GPATCH2: variants seen among roughly 807,000 people sequenced by gnomAD.
GPATCH2 encodes the protein G patch domain-containing protein 2.
A neutral mutation model predicts 58.0 loss-of-function variants in GPATCH2; 51 were observed. The ratio of observed to expected loss-of-function variants is 0.88; its 90% CI spans 0.70 to 1.11. GPATCH2 has a LOEUF of 1.11. Among genes scored for constraint, GPATCH2 ranks in the 50% most tolerant of loss-of-function variants. GPATCH2 has a pLI of 0.00. For missense variants in GPATCH2, 625 were observed against 652.2 expected, an observed-to-expected ratio of 0.96 and a Z score of 0.45; for synonymous variants, 222 against 218.5, an observed-to-expected ratio of 1.02 and a Z score of -0.14.
rs572749303 is a variant in GPATCH2 at position 217,573,764 on chromosome 1, T to C, written c.1098+36557A>G. On this transcript the variant is annotated intron_variant, in intron 5 of 9. Transcript: ENST00000366935. Reference sequence around the variant, plus strand: ...GTTTTGAACACTGGTTAATTCTAGCTGGAGCACAAATCTATCTTTTCTTTT... The same window carrying C: ...GTTTTGAACACTGGTTAATTCTAGCCGGAGCACAAATCTATCTTTTCTTTT... Among the ~76,000 whole-genome samples the C allele has an allele frequency of 1.3e-3, 198 of 152,368 alleles. 1 individual carries two copies. The highest frequency in any genetic ancestry group is 3.4e-3 in the Middle Eastern group (1 of 294).
In GPATCH2 at chr1:217,428,502, A is replaced by G. The variant is rs915636742; in HGVS notation, c.*2643T>C. On this transcript the variant is annotated 3_prime_UTR_variant, in exon 10 of 10. Transcript: ENST00000366935. ...TTAATTGCGTTTGTTTCTCCAATTAAGTTCAGGTACAACCAGAACATCAGG... is the reference window on the plus strand; with the variant it reads ...TTAATTGCGTTTGTTTCTCCAATTAGGTTCAGGTACAACCAGAACATCAGG... The G allele has an allele frequency of 6.6e-6, 1 of 152,190 alleles. No individual in the cohort carries two copies. The highest frequency in any genetic ancestry group is 1.5e-5 in the Non-Finnish European group (1 of 68,036). The allele number at this position is 152,190 out of a possible 1,614,324, so 9.4% of individuals were successfully genotyped here.
At chr1:217,599,063 C>T (rs768807124) in intron 5 of GPATCH2, among the ~76,000 whole-genome samples, 4 of 152,054 alleles carry the variant, frequency 2.6e-5, no homozygotes, top group Non-Finnish European at 5.9e-5. Flanking sequence ...GTGAGGGATA[C>T]ACTGTTGTGA....
rs543131039 is a variant in GPATCH2 at position 217,575,366 on chromosome 1, A to C, written c.1098+34955T>G. Among the ~76,000 whole-genome samples the C allele has an allele frequency of 6.6e-5, 10 of 152,298 alleles. No individual in the cohort carries two copies. The South Asian group carries it at 1.9e-3, about 28-fold the overall frequency. ...CTTAAGATTAGCACACTCAACCATT[A>C]CCTTAAAAAGCAAACCAATCATCTA... On this transcript the variant is annotated intron_variant, in intron 5 of 9. Transcript: ENST00000366935.
chr1:217,627,410 T>C (rs994138785), intron 1 of GPATCH2, among the ~76,000 whole-genome samples: 1 of 152,070 alleles, frequency 6.6e-6, no homozygotes, highest in Non-Finnish European at 1.5e-5. Flanking sequence ...ACAATTTCAG[T>C]AAGTTCATGG....
rs12031241 is a variant in GPATCH2, at chr1:217,585,375, C to T, written c.1098+24946G>A. On this transcript the variant is annotated intron_variant, in intron 5 of 9. Coordinates refer to ENST00000366935, the MANE Select transcript of GPATCH2 (RefSeq NM_018040.5). ...CGGTGGCTCACGCCTATAATCCCAG[C>T]GCTTTGGGAGGCCGAGGCAGGCAAA... 8.5e-3 allele frequency among the ~76,000 whole-genome samples: 1,298 copies of T among 152,192 alleles called. 38 individuals are homozygous for T. The East Asian group carries it at 0.1, about 12-fold the overall frequency.
rs557845102 is a variant in GPATCH2, at chr1:217,613,998, C to T, written c.835+143G>A. The T allele has an allele frequency of 1.8e-4, 103 of 560,576 alleles. No homozygotes were observed. In the African/African-American group the frequency reaches 1.8e-3, roughly 10 times the overall value. The allele number at this position is 560,576 out of a possible 1,614,324, so 34.7% of individuals were successfully genotyped here. On this transcript the variant is annotated intron_variant, in intron 3 of 9. Transcript: ENST00000366935. ...CCCTCCATAGCATATAAAAAACCAG[C>T]TACGATACTAAATCCTAGTTCACTA...
chr1:217,464,090 C>A (rs1660329659), intron 8 of GPATCH2, among the ~76,000 whole-genome samples: 1 of 152,082 alleles, frequency 6.6e-6, no homozygotes, highest in African/African-American at 2.4e-5. Context: ...TTTATTTACT[C>A]ACTTAAAAAT....
intron 9 of GPATCH2, among the ~76,000 whole-genome samples, chr1:217,447,672 G>A (rs987720873): frequency 3.3e-5 from 5 of 152,208 alleles, no homozygotes; most frequent in Admixed American, 2.0e-4. Context: ...GCCAGAAGAT[G>A]ATCAGGTATG....
chr1:217,566,193 T>C (rs1440349061), intron 5 of GPATCH2, among the ~76,000 whole-genome samples: 1 of 151,312 alleles, frequency 6.6e-6, no homozygotes, highest in Non-Finnish European at 1.5e-5. Flanking sequence ...ATTCTGTAAG[T>C]GCAACTTTCT....
intron 3 of GPATCH2, among the ~76,000 whole-genome samples, chr1:217,613,509 G>A (rs1037291409): frequency 6.6e-6 from 1 of 152,046 alleles, no homozygotes; most frequent in Non-Finnish European, 1.5e-5. Context: ...TCATGAGCAG[G>A]TGTGACTAAA....
chr1:217,578,142 G>A (rs11117885), intron 5 of GPATCH2, among the ~76,000 whole-genome samples: 9,361 of 148,544 alleles, frequency 0.063, 676 homozygotes, highest in African/African-American at 0.18. Flanking sequence ...TGGCTGGGGG[G>A]GGATTACCAG....
At chr1:217,551,117 A>G (rs1665337826) in intron 5 of GPATCH2, among the ~76,000 whole-genome samples, 1 of 151,716 alleles carries the variant, frequency 6.6e-6, no homozygotes, top group Non-Finnish European at 1.5e-5. Flanking sequence ...TTCTTCAGAA[A>G]TCATGAAAAA....
chr1:217,560,190 T>G (rs1665854354), intron 5 of GPATCH2, among the ~76,000 whole-genome samples: 1 of 152,182 alleles, frequency 6.6e-6, no homozygotes, highest in South Asian at 2.1e-4. Flanking sequence ...TGGTTACTCG[T>G]GTTTGTTTTG....
chr1:217,580,005 C>T (rs531717508), intron 5 of GPATCH2, among the ~76,000 whole-genome samples: 2 of 152,118 alleles, frequency 1.3e-5, no homozygotes, highest in African/African-American at 4.8e-5. Context: ...TGCATTTACT[C>T]CAAGAAAAGT....
rs1183174400 is a variant in GPATCH2 at position 217,433,361 on chromosome 1, CATAT to C, written c.1367-2000_1367-1997del. 4.0e-3 allele frequency among the ~76,000 whole-genome samples: 469 copies of C among 118,570 alleles called. 2 individuals are homozygous for C. The highest frequency in any genetic ancestry group is 0.01 in the East Asian group (47 of 4,534). The allele number at this position is 118,570 out of a possible 152,430, so 77.8% of individuals were successfully genotyped here. On this transcript the variant is annotated intron_variant, in intron 9 of 9. Coordinates refer to ENST00000366935, the MANE Select transcript of GPATCH2 (RefSeq NM_018040.5). ...ATTTATTATTGTTCTTTAAGCTGTTCATATATATATATATATATATATATTTATT... is the reference window on the plus strand; with the variant it reads ...ATTTATTATTGTTCTTTAAGCTGTTCATATATATATATATATATATTTATT...
intron 6 of GPATCH2, among the ~76,000 whole-genome samples, chr1:217,504,180 CAA>C (rs1310712513): frequency 6.6e-6 from 1 of 151,866 alleles, no homozygotes; most frequent in Non-Finnish European, 1.5e-5. Context: ...CCTCAAACAA[CAA>C]AAAAAGTTTT....
At chr1:217,489,491 C>A (rs1401144312) in intron 8 of GPATCH2, among the ~76,000 whole-genome samples, 1 of 152,158 alleles carries the variant, frequency 6.6e-6, no homozygotes, top group African/African-American at 2.4e-5. Context: ...CACGCTATTG[C>A]TGTCCATTAT....
rs1658377977 is a variant in GPATCH2, at chr1:217,427,398, GC to G, written c.*3746del. The G allele has an allele frequency of 6.6e-6, 1 of 151,928 alleles. No individual in the cohort carries two copies. Among genetic ancestry groups the G allele is most frequent in the Non-Finnish European group, 1.5e-5 (1 of 67,942 alleles). The allele number at this position is 151,928 out of a possible 1,614,324, so 9.4% of individuals were successfully genotyped here. A position where few individuals can be genotyped will look rare whatever the true frequency, so the allele number is the denominator to read the frequency against. On this transcript the variant is annotated 3_prime_UTR_variant, in exon 10 of 10. Coordinates refer to ENST00000366935, the MANE Select transcript of GPATCH2 (RefSeq NM_018040.5). ...TTGAAATTTTTCGCTGAACTTAACT[GC>G]ACTATTAAATGATAATTGTCAATGG... is the stretch of plus-strand genomic sequence containing the variant.
chr1:217,622,635 C>T (rs1333058714), intron 1 of GPATCH2, among the ~76,000 whole-genome samples: 1 of 152,182 alleles, frequency 6.6e-6, no homozygotes, highest in Non-Finnish European at 1.5e-5. Context: ...CTTCTGCCTC[C>T]CGGGTTCAAG....
Sources: allele counts gnomAD v4.1 joint callset (sites outside exome capture counted in the v4.1 genomes callset), GRCh38; gene constraint gnomAD v4.1.1; transcripts MANE v1.5; gene names NCBI Gene and HGNC (gene_info 2026-07-23, HGNC 2026-07-21).